LOC400499: variants seen among roughly 807,000 people sequenced by gnomAD.
chr16:11,507,379 A>T, the LOC400499 span, among the ~76,000 whole-genome samples: 1 of 152,200 alleles, frequency 6.6e-6, no homozygotes, highest in Middle Eastern at 3.4e-3. Context: ...ACACTCCACA[A>T]AGAATGACCC....
chr16:11,410,829 A>G, the LOC400499 span, among the ~76,000 whole-genome samples: 1 of 152,366 alleles, frequency 6.6e-6, no homozygotes, highest in South Asian at 2.1e-4. Flanking sequence ...AACCTGGCCT[A>G]AGACTACTGG....
the LOC400499 span, among the ~76,000 whole-genome samples, chr16:11,393,925 A>T: frequency 6.6e-6 from 1 of 152,294 alleles, no homozygotes; most frequent in Admixed American, 6.5e-5. Flanking sequence ...CCAAAAATAC[A>T]AAACTTAGCC....
chr16:11,477,569 A>G, the LOC400499 span, among the ~76,000 whole-genome samples: 1 of 152,328 alleles, frequency 6.6e-6, no homozygotes, highest in East Asian at 1.9e-4. Flanking sequence ...ATGGAAGGGC[A>G]TAGGGTTGTG....
At chr16:11,407,826 T>A in the LOC400499 span, among the ~76,000 whole-genome samples, 1 of 152,254 alleles carries the variant, frequency 6.6e-6, no homozygotes, top group Admixed American at 6.5e-5. Context: ...TACGGGTTGC[T>A]GCGAAAATTG....
the LOC400499 span, among the ~76,000 whole-genome samples, chr16:11,501,925 T>TCA: frequency 6.6e-6 from 1 of 152,066 alleles, no homozygotes; most frequent in African/African-American, 2.4e-5. Context: ...GCGCACATTC[T>TCA]CAGACTGAAG....
the LOC400499 span, chr16:11,449,162 C>A: frequency 7.6e-7 from 1 of 1,317,846 alleles, no homozygotes; most frequent in South Asian, 2.0e-5. Flanking sequence ...TTTCCTCCAC[C>A]TGGGATACCC....
chr16:11,425,397 C>A, the LOC400499 span: 1 of 399,328 alleles, frequency 2.5e-6, no homozygotes, highest in Non-Finnish European at 4.4e-6. Context: ...CAGGAGGAAG[C>A]CCAGCACAGC....
At chr16:11,415,391 G>A in the LOC400499 span, among the ~76,000 whole-genome samples, 1 of 152,202 alleles carries the variant, frequency 6.6e-6, no homozygotes, top group African/African-American at 2.4e-5. Context: ...CTCCCATCTG[G>A]CCAGCAGGGT....
the LOC400499 span, among the ~76,000 whole-genome samples, chr16:11,413,488 G>A: frequency 6.6e-6 from 1 of 152,120 alleles, no homozygotes; most frequent in East Asian, 1.9e-4. Context: ...GGAGAAGGAG[G>A]GCCCAGCCAA....
the LOC400499 span, chr16:11,396,769 A>T: frequency 9.7e-7 from 1 of 1,027,422 alleles, no homozygotes; most frequent in Non-Finnish European, 1.2e-6. Flanking sequence ...AGCAGCTGCC[A>T]CCTCCCAGCC....
the LOC400499 span, among the ~76,000 whole-genome samples, chr16:11,438,400 C>G: frequency 6.6e-6 from 1 of 152,064 alleles, no homozygotes; most frequent in Non-Finnish European, 1.5e-5. Flanking sequence ...GCAGTTCCCT[C>G]CATTCAGAGC....
chr16:11,496,004 G>A, the LOC400499 span, among the ~76,000 whole-genome samples: 7 of 151,960 alleles, frequency 4.6e-5, no homozygotes, highest in South Asian at 2.1e-4. Flanking sequence ...CTAGACCCAC[G>A]TCACTCCAGA....
chr16:11,450,093 G>A, the LOC400499 span, among the ~76,000 whole-genome samples: 1 of 152,292 alleles, frequency 6.6e-6, no homozygotes, highest in East Asian at 1.9e-4. Context: ...GCCCTCGGAT[G>A]AGCCCAATCA....
At chr16:11,492,642 G>A in the LOC400499 span, among the ~76,000 whole-genome samples, 15 of 152,074 alleles carry the variant, frequency 9.9e-5, no homozygotes, top group Middle Eastern at 6.8e-3. Context: ...AAAATTAGCC[G>A]GGCGTGGTGG....
the LOC400499 span, chr16:11,414,251 C>A: frequency 7.5e-6 from 3 of 398,808 alleles, no homozygotes; most frequent in East Asian, 3.6e-5. Flanking sequence ...GTCCTCCCCA[C>A]CCACCCTGCA....
chr16:11,491,179 G>C, the LOC400499 span, among the ~76,000 whole-genome samples: 1 of 152,174 alleles, frequency 6.6e-6, no homozygotes, highest in Non-Finnish European at 1.5e-5. Context: ...GCTGGGATTT[G>C]AACCTGGGTT....
chr16:11,384,598 C>T, the LOC400499 span, among the ~76,000 whole-genome samples: 89 of 152,350 alleles, frequency 5.8e-4, no homozygotes, highest in African/African-American at 2.0e-3. Context: ...AATCCAGGCC[C>T]TTCCTTTGTG....
chr16:11,393,676 G>A, the LOC400499 span: 1 of 830,260 alleles, frequency 1.2e-6, no homozygotes, highest in African/African-American at 1.8e-5. Flanking sequence ...TGGACCTGTA[G>A]GGAACCAAGG....
the LOC400499 span, chr16:11,516,178 G>A: frequency 2.5e-6 from 1 of 399,830 alleles, no homozygotes; most frequent in Non-Finnish European, 4.4e-6. Flanking sequence ...CCCCTGGGTG[G>A]CCCTGCAGGA....
Sources: allele counts gnomAD v4.1 joint callset (sites outside exome capture counted in the v4.1 genomes callset), GRCh38; gene constraint gnomAD v4.1.1; transcripts MANE v1.5.